The following FAM120A variants were observed in gnomAD, a reference collection of about 807,000 sequenced individuals.
FAM120A encodes family with sequence similarity 120 member A, also known as constitutive coactivator of PPAR-gamma-like protein 1.
FAM120A carries 15 observed loss-of-function variants against 109.7 expected under a neutral mutation model. The observed-to-expected ratio is 0.14, with a 90% CI of 0.09 to 0.21. The LOEUF is 0.21. Among genes scored for constraint, FAM120A ranks in the 10% least tolerant of loss-of-function variants. The pLI is 1.00. For synonymous variants in FAM120A, 493 were observed against 572.8 expected (o/e 0.86, Z 1.99); for missense variants, 899 against 1,439.3 (o/e 0.62, Z 6.07).
At chr9:93,509,037 T>C (rs1343573928) in intron 5 of FAM120A, among the ~76,000 whole-genome samples, 2 of 152,218 alleles carry the variant, frequency 1.3e-5, no homozygotes, top group Non-Finnish European at 2.9e-5. Flanking sequence ...ACTCAGACCC[T>C]GGAGGTCTGA....
At chr9:93,547,331 C>G (rs990813586) in intron 11 of FAM120A, among the ~76,000 whole-genome samples, 3 of 152,200 alleles carry the variant, frequency 2.0e-5, no homozygotes, top group Admixed American at 1.3e-4. Flanking sequence ...GCATAAGGCT[C>G]CAGAGCAATG....
intron 8 of FAM120A, among the ~76,000 whole-genome samples, chr9:93,527,727 A>G (rs1237234455): frequency 2.1e-5 from 3 of 145,642 alleles, no homozygotes; most frequent in Non-Finnish European, 1.5e-5. Context: ...GGTTCAAGCA[A>G]TTCTCCTGGC....
rs374873144 is a variant in FAM120A, at chr9:93,472,653, A to C, written c.721+1266A>C. On this transcript the variant is annotated intron_variant, in intron 2 of 17. Coordinates refer to ENST00000277165, the MANE Select transcript of FAM120A (RefSeq NM_014612.5). ...GATTATATTGTGGATTATTTTTAGA[A>C]ATGCCTAGTTATCAGAAAGATTTTT... 1.7e-3 allele frequency among the ~76,000 whole-genome samples: 260 copies of C among 152,362 alleles called. 1 individual carries two copies. Among genetic ancestry groups the C allele is most frequent in the Non-Finnish European group, 3.3e-3 (222 of 68,034 alleles).
chr9:93,475,061 C>G (rs1858490056), intron 2 of FAM120A, among the ~76,000 whole-genome samples: 2 of 152,294 alleles, frequency 1.3e-5, no homozygotes, highest in African/African-American at 4.8e-5. Context: ...TGGAGTGTCC[C>G]TTATCTGAAA....
Position 93,483,353 on chromosome 9 carries a change from G to A in FAM120A, c.804+7015G>A, listed in dbSNP as rs1235207456. 2.6e-5 allele frequency among the ~76,000 whole-genome samples: 4 copies of A among 151,556 alleles called. No homozygotes were observed. The East Asian group carries it at 7.7e-4, about 29-fold the overall frequency. ...ATAATATTAGGGGCCTGAAAGGTAA[G>A]TAAATTTAAAACATTCTTCTGTTTG... is the stretch of plus-strand genomic sequence containing the variant. On this transcript the variant is annotated intron_variant, in intron 3 of 17. Coordinates refer to ENST00000277165, the MANE Select transcript of FAM120A (RefSeq NM_014612.5).
chr9:93,554,545 C>T (rs563768554), intron 12 of FAM120A, among the ~76,000 whole-genome samples: 97 of 152,166 alleles, frequency 6.4e-4, no homozygotes, highest in African/African-American at 2.3e-3. Flanking sequence ...TGGTGGCGCA[C>T]GTCTGTAATC....
chr9:93,502,598 A>G (rs905069653), intron 5 of FAM120A, among the ~76,000 whole-genome samples: 22 of 146,952 alleles, frequency 1.5e-4, no homozygotes, highest in Admixed American at 6.2e-4. Context: ...ACACACACAC[A>G]CGCACACTTG....
At chr9:93,527,281 C>T in intron 8 of FAM120A, 39 bp downstream of exon 8, 1 of 1,431,828 alleles carries the variant, frequency 7.0e-7, no homozygotes, top group Non-Finnish European at 9.9e-7. Flanking sequence ...AGTTCTGACT[C>T]ATTTTGTATT....
intron 12 of FAM120A, among the ~76,000 whole-genome samples, chr9:93,553,050 A>G (rs772551852): frequency 6.6e-6 from 1 of 152,222 alleles, no homozygotes; most frequent in Non-Finnish European, 1.5e-5. Flanking sequence ...CATCTCATCC[A>G]TGCTTTCTTC....
At position 93,452,422 on chromosome 9, in the gene FAM120A, G is replaced by A. The variant is rs773846801; in HGVS notation, c.474+33G>A. On this transcript the variant is annotated intron_variant, in intron 1 of 17. Coordinates refer to ENST00000277165, the MANE Select transcript of FAM120A (RefSeq NM_014612.5). The surrounding 1 kb of genome is among the most constrained non-coding windows in gnomAD (Gnocchi z 7.0). Reference sequence around the variant, plus strand: ...CGGGGATCCGGGCGGGCCGGGGACCGGGGCCGCGCCGCACCCCTATCCCCC... The same window carrying A: ...CGGGGATCCGGGCGGGCCGGGGACCAGGGCCGCGCCGCACCCCTATCCCCC... The A allele has an allele frequency of 2.5e-6, 4 of 1,577,634 alleles. No homozygotes were observed. Among genetic ancestry groups the A allele is most frequent in the Admixed American group, 1.8e-5 (1 of 55,402 alleles).
rs529112761 is a variant in FAM120A, at chr9:93,521,052, C to T, written c.1418+4783C>T. On this transcript the variant is annotated intron_variant, in intron 7 of 17. Transcript: ENST00000277165. ...TGGGCTATGTTACTCTTTTGAAATA[C>T]AAATTTCTCTTTAGAAGTTTTGGAA... Among the ~76,000 whole-genome samples, 14 of 152,296 alleles carry T rather than the reference C, an allele frequency of 9.2e-5. No homozygotes were observed. The South Asian group carries it at 2.9e-3, about 32-fold the overall frequency.
In FAM120A at chr9:93,498,833, G is replaced by A; in HGVS notation, c.977G>A (p.Gly326Glu). The A allele has an allele frequency of 1.2e-6, 2 of 1,613,032 alleles. No homozygotes were observed. Among genetic ancestry groups the A allele is most frequent in the Non-Finnish European group, 1.7e-6 (2 of 1,179,062 alleles). ...DKVIRFKRAI[G>E]YYSATSKPMS... ...GTTATTCGATTTAAGAGAGCAATTG[G>A]ATATTATTCAGCGACTAGTAAGCCT... is the stretch of plus-strand genomic sequence containing the variant. The change falls in exon 5 of 18, where the codon GGA becomes GAA. Residue 326 changes from glycine to glutamate, a missense_variant. Physicochemically the swap from Gly to Glu is moderately conservative, Grantham distance 98. Around this residue, in one of 11 missense-constraint regions of FAM120A, gnomAD observed 258 missense variants for 451.4 expected, o/e 0.57. Transcript: ENST00000277165. This position sits in a 1 kb window ranked among gnomAD's most constrained non-coding sequence, Gnocchi z 4.4.
intron 12 of FAM120A, among the ~76,000 whole-genome samples, chr9:93,551,384 G>T (rs1862091223): frequency 6.6e-6 from 1 of 152,100 alleles, no homozygotes; most frequent in Non-Finnish European, 1.5e-5. Context: ...GGTTGTAATT[G>T]CTTTCTAATT....
At chr9:93,533,923 A>G (rs1177389700) in intron 10 of FAM120A, among the ~76,000 whole-genome samples, 3 of 152,198 alleles carry the variant, frequency 2.0e-5, no homozygotes, top group Non-Finnish European at 4.4e-5. Context: ...GGCATTTCCA[A>G]TGATCACCTC....
At chr9:93,488,265 A>G (rs1168878197) in intron 3 of FAM120A, among the ~76,000 whole-genome samples, 1 of 151,930 alleles carries the variant, frequency 6.6e-6, no homozygotes, top group East Asian at 1.9e-4. Flanking sequence ...CACATCCCCA[A>G]CGCTTAACTT....
rs150391808 is a variant in FAM120A at position 93,503,147 on chromosome 9, G to T, written c.1030+4261G>T. On this transcript the variant is annotated intron_variant, in intron 5 of 17. Transcript: ENST00000277165. ...GTGAGGATGGGTAGCAACAGATTGT[G>T]CTGCTAATGGGATTGCAAAAATGGT... is the stretch of plus-strand genomic sequence containing the variant. Among the ~76,000 whole-genome samples the T allele has an allele frequency of 2.2e-3, 328 of 152,348 alleles. 1 individual carries two copies. The highest frequency in any genetic ancestry group is 2.1e-3 in the Non-Finnish European group (143 of 68,036).
intron 3 of FAM120A, among the ~76,000 whole-genome samples, chr9:93,490,743 A>ATTGT (rs1859277075): frequency 6.6e-6 from 1 of 152,152 alleles, no homozygotes; most frequent in Non-Finnish European, 1.5e-5. Context: ...CCAGGAAGAG[A>ATTGT]TTGTTTTCTT....
Position 93,471,468 on chromosome 9 carries a change from T to G in FAM120A, c.721+81T>G, listed in dbSNP as rs997850579. 8 of 1,545,284 alleles carry G rather than the reference T, an allele frequency of 5.2e-6. No individual in the cohort carries two copies. The African/African-American group carries it at 1.1e-4, about 21-fold the overall frequency. ...TTGATCTTTTAAGTGTTTCTGTGCT[T>G]GAATGTTTTGGATATGTATCACACA... On this transcript the variant is annotated intron_variant, in intron 2 of 17. Transcript: ENST00000277165.
At chr9:93,513,375 C>T (rs1388097437) in intron 5 of FAM120A, among the ~76,000 whole-genome samples, 1 of 152,142 alleles carries the variant, frequency 6.6e-6, no homozygotes, top group Non-Finnish European at 1.5e-5. Flanking sequence ...TGTGTATCTA[C>T]GCCTGTGTGT....
Sources: allele counts gnomAD v4.1 joint callset (sites outside exome capture counted in the v4.1 genomes callset), GRCh38; gene constraint gnomAD v4.1.1; regional missense constraint gnomAD v4.1.1; non-coding constraint Gnocchi (gnomAD v3.1); transcripts MANE v1.5; gene names NCBI Gene and HGNC (gene_info 2026-07-23, HGNC 2026-07-21).